The following FOXN4 variants were observed in gnomAD, a reference collection of about 807,000 sequenced individuals.
The protein encoded by FOXN4 is forkhead box protein N4.
FOXN4 carries 12 observed loss-of-function variants against 45.0 expected under a neutral mutation model. The ratio of observed to expected loss-of-function variants is 0.27; its 90% CI spans 0.17 to 0.43. FOXN4 has a LOEUF of 0.43. Among genes scored for constraint, FOXN4 ranks in the 20% least tolerant of loss-of-function variants. The probability of loss-of-function intolerance (pLI) is 1.00; values close to 1 mark genes in which losing one functional copy is unlikely to be tolerated. For missense variants in FOXN4, 560 were observed against 694.9 expected (o/e 0.81, Z 2.18); for synonymous variants, 297 against 295.0 (o/e 1.01, Z -0.07).
chr12:109,288,197 C>CAGAG lies in FOXN4; in HGVS notation c.233-21_233-18dup. On this transcript the variant is annotated splice_polypyrimidine_tract_variant and intron_variant, in intron 3 of 9. Transcript: ENST00000299162. The surrounding 1 kb of genome is among the most constrained non-coding windows in gnomAD (Gnocchi z 4.3). Reference sequence around the variant, plus strand: ...CCAAGGCACCTGCCGGAGAGAAGCACAGAGACGCTGCTGGGCTGGAGGAAT... The same window carrying CAGAG: ...CCAAGGCACCTGCCGGAGAGAAGCACAGAGAGAGACGCTGCTGGGCTGGAGGAAT... 6.5e-7 allele frequency: 1 copy of CAGAG among 1,546,494 alleles called. No homozygotes were observed. Among genetic ancestry groups the CAGAG allele is most frequent in the East Asian group, 2.4e-5 (1 of 40,892 alleles).
At chr12:109,302,905 G>GCATTTCAT (rs1196857328) in intron 2 of FOXN4, among the ~76,000 whole-genome samples, 1 of 152,202 alleles carries the variant, frequency 6.6e-6, no homozygotes, top group Non-Finnish European at 1.5e-5. Flanking sequence ...TACACAAAAA[G>GCATTTCAT]GGATTAAGCA....
At chr12:109,296,123 C>T (rs1290615879) in intron 2 of FOXN4, among the ~76,000 whole-genome samples, 1 of 152,244 alleles carries the variant, frequency 6.6e-6, no homozygotes, top group African/African-American at 2.4e-5. Flanking sequence ...ACCTACAGTC[C>T]CCTGCATGGT....
At position 109,290,818 on chromosome 12, in the gene FOXN4, C is replaced by T. The variant is rs1030358799; in HGVS notation, c.87-532G>A. ...CTGTGAGGAACATGGAACTTGGGAA[C>T]GGTCTGCGTGGATGATCCTGCCATG... On this transcript the variant is annotated intron_variant, in intron 2 of 9. Coordinates refer to ENST00000299162, the MANE Select transcript of FOXN4 (RefSeq NM_213596.3). The surrounding 1 kb of genome is among the most constrained non-coding windows in gnomAD (Gnocchi z 5.1). 3.9e-5 allele frequency among the ~76,000 whole-genome samples: 6 copies of T among 152,202 alleles called. No homozygotes were observed. The highest frequency in any genetic ancestry group is 2.6e-4 in the Admixed American group (4 of 15,288).
intron 2 of FOXN4, among the ~76,000 whole-genome samples, chr12:109,295,855 C>A (rs2047812152): frequency 6.6e-6 from 1 of 152,216 alleles, no homozygotes; most frequent in South Asian, 2.1e-4. Context: ...GACTCCCCTT[C>A]TCTCTTCTTC....
rs1324732913 is a variant in FOXN4, at chr12:109,287,792, C to G, written c.468+52G>C. ...AGGCTCAGAGGGGTCCCCGGCCAGCCCAAGGCAGGGTGTCTGCTGCTCAGT... is the reference window on the plus strand; with the variant it reads ...AGGCTCAGAGGGGTCCCCGGCCAGCGCAAGGCAGGGTGTCTGCTGCTCAGT... On this transcript the variant is annotated intron_variant, in intron 5 of 9. Coordinates refer to ENST00000299162, the MANE Select transcript of FOXN4 (RefSeq NM_213596.3). This position sits in a 1 kb window ranked among gnomAD's most constrained non-coding sequence, Gnocchi z 4.1. 1.3e-6 allele frequency: 2 copies of G among 1,484,720 alleles called. No homozygotes were observed. The highest frequency in any genetic ancestry group is 1.8e-6 in the Non-Finnish European group (2 of 1,114,624). 92.0% of individuals were successfully genotyped at this position (1,484,720 alleles called of 1,614,324 possible).
intron 2 of FOXN4, among the ~76,000 whole-genome samples, chr12:109,299,534 A>G (rs1421515347): frequency 6.6e-6 from 1 of 152,134 alleles, no homozygotes; most frequent in Admixed American, 6.5e-5. Flanking sequence ...CAGCAGCCCC[A>G]GGTAGCTGCT....
chr12:109,304,233 AAGAAAGAAAGAAAG>A (rs1199459225), intron 2 of FOXN4, among the ~76,000 whole-genome samples: 1 of 55,568 alleles, frequency 1.8e-5, no homozygotes, highest in East Asian at 4.0e-4. Context: ...GAAAGAAAGA[AAGAAAGAAAGAAAG>A]AAAGAAAGAA....
At position 109,281,743 on chromosome 12, in the gene FOXN4, G is replaced by C. The variant is rs1803154373; in HGVS notation, c.958C>G (p.Pro320Ala). 1.2e-6 allele frequency: 2 copies of C among 1,606,142 alleles called. No homozygotes were observed. Among genetic ancestry groups the C allele is most frequent in the African/African-American group, 2.7e-5 (2 of 74,810 alleles). Residue 320 changes from proline (P) to alanine (A), a missense_variant, in exon 9 of 10, where the codon CCG (proline) becomes GCG (alanine). Pro to Ala is a conservative substitution (Grantham distance 27, BLOSUM62 -1). This residue lies in a region of FOXN4 where 315 missense variants were observed against 350.5 expected (regional missense o/e 0.90). Coordinates refer to ENST00000299162, the MANE Select transcript of FOXN4 (RefSeq NM_213596.3). Reference sequence around the variant, plus strand: ...AGCACGGGGGCCTCTGGTTCCCCCGGTTTGCCGGGGCGCCGGCAGCTTTCA... The same window carrying C: ...AGCACGGGGGCCTCTGGTTCCCCCGCTTTGCCGGGGCGCCGGCAGCTTTCA... ...RPESCRRPGK[P>A]GEPEAPVLTH...
chr12:109,300,967 G>A (rs752728750), intron 2 of FOXN4, among the ~76,000 whole-genome samples: 34 of 152,190 alleles, frequency 2.2e-4, no homozygotes, highest in Non-Finnish European at 4.3e-4. Flanking sequence ...GTATCCCCAT[G>A]GTGTCACAGT....
At position 109,278,698 on chromosome 12, in the gene FOXN4, C is replaced by T. The variant is rs1488404509; in HGVS notation, c.*973G>A. On this transcript the variant is annotated 3_prime_UTR_variant, in exon 10 of 10. Transcript: ENST00000299162. ...CCATCGCATTTTCCCCTTTGAAAGC[C>T]CCCCAAGCCCCCAAACAATGGCACC... 6.6e-6 allele frequency: 1 copy of T among 152,030 alleles called. No homozygotes were observed. The highest frequency in any genetic ancestry group is 1.5e-5 in the Non-Finnish European group (1 of 68,040). 9.4% of individuals were successfully genotyped at this position (152,030 alleles called of 1,614,324 possible).
At position 109,290,419 on chromosome 12, in the gene FOXN4, G is replaced by A. The variant is rs143201999; in HGVS notation, c.87-133C>T. ...GCCACGCCAGCCCTCCAACCTGCCC[G>A]TCCCCAGGACTGGACACGGGAACCT... On this transcript the variant is annotated intron_variant, in intron 2 of 9. Transcript: ENST00000299162. The surrounding 1 kb of genome is among the most constrained non-coding windows in gnomAD (Gnocchi z 5.1). The A allele has an allele frequency of 2.9e-4, 322 of 1,128,126 alleles. 1 individual carries two copies. In the African/African-American group the frequency reaches 4.1e-3, roughly 14 times the overall value. The allele number at this position is 1,128,126 out of a possible 1,614,324, so 69.9% of individuals were successfully genotyped here.
At chr12:109,281,835 C>T in intron 8 of FOXN4, 36 bp from the exon 9 acceptor site, 2 of 1,518,408 alleles carry the variant, frequency 1.3e-6, no homozygotes, top group Non-Finnish European at 8.8e-7. Context: ...CAGAACCCAC[C>T]CAGCAGTTAC....
At position 109,285,429 on chromosome 12, in the gene FOXN4, C is replaced by T; in HGVS notation, c.776G>A (p.Ser259Asn). The T allele has an allele frequency of 6.2e-7, 1 of 1,614,070 alleles. No homozygotes were observed. Among genetic ancestry groups the T allele is most frequent in the Non-Finnish European group, 8.5e-7 (1 of 1,179,922 alleles). The change falls in exon 8 of 10, where the codon AGC becomes AAC. Residue 259 changes from serine to asparagine, a missense_variant. Around this residue, in one of 5 missense-constraint regions of FOXN4, gnomAD observed 315 missense variants for 350.5 expected, o/e 0.90. Coordinates refer to ENST00000299162, the MANE Select transcript of FOXN4 (RefSeq NM_213596.3). ...CAGGCAGCCCTTGCGGGAGGAGCCG[C>T]TCATCTTGTTCTCCACCTTCTCGAA... ...KCFEKVENKM[S>N]GSSRKGCLWA... is the part of the protein sequence containing the mutation.
At chr12:109,289,616 G>A (rs192093104) in intron 3 of FOXN4, among the ~76,000 whole-genome samples, 1 of 152,270 alleles carries the variant, frequency 6.6e-6, no homozygotes, top group Admixed American at 6.5e-5. Context: ...GCCACTAGCT[G>A]CCTTTTATTG....
At chr12:109,296,293 C>T (rs2047816349) in intron 2 of FOXN4, among the ~76,000 whole-genome samples, 1 of 152,238 alleles carries the variant, frequency 6.6e-6, no homozygotes, top group South Asian at 2.1e-4. Flanking sequence ...GTTCAGGTGA[C>T]CCCCGTGCTC....
At chr12:109,295,235 G>A (rs2047806367) in intron 2 of FOXN4, among the ~76,000 whole-genome samples, 1 of 152,176 alleles carries the variant, frequency 6.6e-6, no homozygotes, top group Admixed American at 6.5e-5. Context: ...CACAGAGAGA[G>A]ACCCTAAATC....
chr12:109,286,904 C>A (rs1173129993), intron 6 of FOXN4, 160 bp from the exon 7 acceptor site: 1 of 1,427,572 alleles, frequency 7.0e-7, no homozygotes, highest in African/African-American at 1.4e-5. Flanking sequence ...CTTTTCATGG[C>A]CCGATGTCTT....
intron 9 of FOXN4, among the ~76,000 whole-genome samples, chr12:109,280,349 A>G (rs1218916698): frequency 6.6e-5 from 10 of 150,462 alleles, no homozygotes; most frequent in African/African-American, 2.4e-4. Flanking sequence ...CCTCAAAAAA[A>G]AAAAAAAAAA....
At chr12:109,285,254 T>G in intron 8 of FOXN4, 50 bp downstream of exon 8, 1 of 1,527,496 alleles carries the variant, frequency 6.5e-7, no homozygotes, top group Non-Finnish European at 8.9e-7. Context: ...CGTGTGTGTG[T>G]GTGTGTGTGT....
Sources: gnomAD v4.1 joint callset for allele counts (sites outside exome capture counted in the v4.1 genomes callset) on GRCh38, gnomAD v4.1.1 for gene constraint, gnomAD v4.1.1 regional missense constraint, Gnocchi (gnomAD v3.1) non-coding constraint, MANE v1.5 for transcripts, NCBI Gene and HGNC (gene_info 2026-07-23, HGNC 2026-07-21) for gene names.